OR6F1: variants seen among roughly 807,000 people sequenced by gnomAD.
The protein encoded by OR6F1 is olfactory receptor 6F1.
For synonymous variants in OR6F1, 144 were observed against 150.0 expected (o/e 0.96, Z 0.29); for missense variants, 346 against 376.0 (o/e 0.92, Z 0.66).
chr1:247,716,003 A>T (rs537705546), intron 1 of OR6F1, among the ~76,000 whole-genome samples: 8 of 152,252 alleles, frequency 5.3e-5, no homozygotes, highest in African/African-American at 1.9e-4. Flanking sequence ...CTCTAATCCT[A>T]GCACTTTGGG....
chr1:247,712,360 G>A lies in OR6F1; in HGVS notation c.396C>T (p.Tyr132=), dbSNP rs781296494. The change falls in exon 3 of 3, where the codon TAC becomes TAT. Residue 132 remains tyrosine (Y), a synonymous_variant. Coordinates refer to ENST00000641470, the MANE Select transcript of OR6F1 (RefSeq NM_001005286.2). ...RCLAICYPLH[Y]GAIMSSLLSA... Reference sequence around the variant, plus strand: ...AGAGCAGGCTACTCATGATGGCTCCGTAGTGTAAAGGATAGCAGATGGCAA... The same window carrying A: ...AGAGCAGGCTACTCATGATGGCTCCATAGTGTAAAGGATAGCAGATGGCAA... 1.3e-5 allele frequency: 21 copies of A among 1,614,022 alleles called. No homozygotes were observed. Among genetic ancestry groups the A allele is most frequent in the African/African-American group, 8.0e-5 (6 of 74,944 alleles).
rs751036339 is a variant in OR6F1, at chr1:247,712,058, C to CCTTCTCCTCT, written c.697_698insAGAGGAGAAG (p.Gly233GlufsTer65). The CCTTCTCCTCT allele has an allele frequency of 6.2e-7, 1 of 1,614,132 alleles. No homozygotes were observed. The highest frequency in any genetic ancestry group is 2.2e-5 in the East Asian group (1 of 44,884). ...GCACGTGGAGAAGGCTTTGCTCCGG[C>CCTTCTCCTCT]CACTGGCAGAGGGGATCCTGAGGAT... On this transcript the variant is annotated frameshift_variant, in exon 3 of 3. Coordinates refer to ENST00000641470, the MANE Select transcript of OR6F1 (RefSeq NM_001005286.2). LOFTEE classifies it low-confidence loss of function (END_TRUNC).
At position 247,712,259 on chromosome 1, in the gene OR6F1, A is replaced by T; in HGVS notation, c.497T>A (p.Leu166Gln). Residue 166 changes from leucine to glutamine, a missense_variant, in exon 3 of 3, where the codon CTG (leucine) becomes CAG (glutamine). Coordinates refer to ENST00000641470, the MANE Select transcript of OR6F1 (RefSeq NM_001005286.2). ...GATGGCACGGGGGCCACAGAAGGAC[A>T]GGCCACTGATGAGGGCTGTGGGCAC... ...IAVPTALISG[L>Q]SFCGPRAINH... The T allele has an allele frequency of 1.9e-6, 3 of 1,614,240 alleles. No individual in the cohort carries two copies. The highest frequency in any genetic ancestry group is 2.5e-6 in the Non-Finnish European group (3 of 1,180,028).
intron 2 of OR6F1, 109 bp downstream of exon 2, chr1:247,713,782 A>G (rs1218409937): frequency 5.0e-6 from 2 of 396,562 alleles, no homozygotes; most frequent in Non-Finnish European, 8.9e-6. Context: ...CCAACGCCGA[A>G]TGTTGTTTCC....
chr1:247,716,041 A>G (rs986555611), intron 1 of OR6F1, among the ~76,000 whole-genome samples: 23 of 151,994 alleles, frequency 1.5e-4, no homozygotes, highest in Non-Finnish European at 2.9e-4. Flanking sequence ...TCACTTGAGG[A>G]CAGGAATTTG....
chr1:247,716,172 G>C lies in OR6F1; in HGVS notation c.-127+159C>G, dbSNP rs771405034. ...GGAGCCTGAGGCAGGAGAATCATCT[G>C]AACCCAGGAGGCAGAGGTTGCAGTG... On this transcript the variant is annotated intron_variant, in intron 1 of 2. Coordinates refer to ENST00000641470, the MANE Select transcript of OR6F1 (RefSeq NM_001005286.2). 3.3e-5 allele frequency among the ~76,000 whole-genome samples: 5 copies of C among 152,072 alleles called. 1 individual carries two copies. Among genetic ancestry groups the C allele is most frequent in the Non-Finnish European group, 5.9e-5 (4 of 68,030 alleles).
At chr1:247,712,862 T>G in intron 2 of OR6F1, 45 bp from the exon 3 acceptor site, 1 of 617,688 alleles carries the variant, frequency 1.6e-6, no homozygotes, top group Non-Finnish European at 2.8e-6. Context: ...CTCCAATAAT[T>G]AAATGTAATT....
At position 247,712,060 on chromosome 1, in the gene OR6F1, A is replaced by G; in HGVS notation, c.696T>C (p.Ser232=). Residue 232 remains serine, a synonymous_variant, in exon 3 of 3, where the codon AGT becomes AGC. Coordinates refer to ENST00000641470, the MANE Select transcript of OR6F1 (RefSeq NM_001005286.2). ...ISTILRIPSA[S]GRSKAFSTCS... is the part of the protein sequence containing the mutation. Reference sequence around the variant, plus strand: ...ACGTGGAGAAGGCTTTGCTCCGGCCACTGGCAGAGGGGATCCTGAGGATGG... The same window carrying G: ...ACGTGGAGAAGGCTTTGCTCCGGCCGCTGGCAGAGGGGATCCTGAGGATGG... 6.2e-7 allele frequency: 1 copy of G among 1,614,186 alleles called. No individual in the cohort carries two copies.
intron 1 of OR6F1, among the ~76,000 whole-genome samples, chr1:247,714,351 G>C (rs1046646657): frequency 1.3e-5 from 2 of 152,094 alleles, no homozygotes; most frequent in African/African-American, 4.8e-5. Context: ...ATACTCAACA[G>C]ACCTTGCTTA....
At chr1:247,712,843 A>G (rs1572461376) in intron 2 of OR6F1, 26 bp from the exon 3 acceptor site, 2 of 679,234 alleles carry the variant, frequency 2.9e-6, no homozygotes, top group African/African-American at 1.8e-5. Context: ...GAATGGATTC[A>G]TGAAAGAGCT....
rs1386985009 is a variant in OR6F1, at chr1:247,712,337, A to G, written c.419T>C (p.Leu140Pro). The change falls in exon 3 of 3, where the codon CTC becomes CCC. Residue 140 changes from leucine (L) to proline (P), a missense_variant. By Grantham distance (98) the Leu-to-Pro change is moderately conservative. Transcript: ENST00000641470. Reference sequence around the variant, plus strand: ...GGAGCCCAGGGCCAGCTGCGCTGAGAGCAGGCTACTCATGATGGCTCCGTA... The same window carrying G: ...GGAGCCCAGGGCCAGCTGCGCTGAGGGCAGGCTACTCATGATGGCTCCGTA... ...LHYGAIMSSLLSAQLALGSWV... is the reference protein window; with the variant it reads ...LHYGAIMSSLPSAQLALGSWV... The G allele has an allele frequency of 1.2e-6, 2 of 1,614,038 alleles. No homozygotes were observed. Among genetic ancestry groups the G allele is most frequent in the East Asian group, 4.5e-5 (2 of 44,894 alleles).
chr1:247,712,341 G>A lies in OR6F1; in HGVS notation c.415C>T (p.Leu139=), dbSNP rs1302881869. 6.2e-7 allele frequency: 1 copy of A among 1,614,056 alleles called. No homozygotes were observed. The highest frequency in any genetic ancestry group is 1.3e-5 in the African/African-American group (1 of 74,950). The change falls in exon 3 of 3, where the codon CTG becomes TTG. Residue 139 remains leucine, a synonymous_variant. Transcript: ENST00000641470. Reference sequence around the variant, plus strand: ...CCCAGGGCCAGCTGCGCTGAGAGCAGGCTACTCATGATGGCTCCGTAGTGT... The same window carrying A: ...CCCAGGGCCAGCTGCGCTGAGAGCAAGCTACTCATGATGGCTCCGTAGTGT... ...PLHYGAIMSS[L]LSAQLALGSW...
In OR6F1 at chr1:247,712,458, G is replaced by C. The variant is rs370488866; in HGVS notation, c.298C>G (p.Gln100Glu). The C allele has an allele frequency of 6.2e-7, 1 of 1,614,100 alleles. No individual in the cohort carries two copies. The highest frequency in any genetic ancestry group is 1.3e-5 in the African/African-American group (1 of 75,058). The change falls in exon 3 of 3, where the codon CAG (glutamine) becomes GAG (glutamate). Residue 100 changes from glutamine (Q) to glutamate (E), a missense_variant. Coordinates refer to ENST00000641470, the MANE Select transcript of OR6F1 (RefSeq NM_001005286.2). ...CCTAATGAGAAAACAAAGTACATCTGCAAAAGACAGCTTGTAAATGATATG... is the reference window on the plus strand; with the variant it reads ...CCTAATGAGAAAACAAAGTACATCTCCAAAAGACAGCTTGTAAATGATATG... ...QTISFTSCLL[Q>E]MYFVFSLGCT... is the part of the protein sequence containing the mutation.
chr1:247,715,458 C>T (rs1420777683), intron 1 of OR6F1, among the ~76,000 whole-genome samples: 7 of 152,012 alleles, frequency 4.6e-5, no homozygotes, highest in Non-Finnish European at 7.4e-5. Context: ...TTGTATTTTA[C>T]TTTTACTTAT....
rs187251264 is a variant in OR6F1 at position 247,716,503 on chromosome 1, C to T, written c.-299G>A. On this transcript the variant is annotated 5_prime_UTR_variant, in exon 1 of 3. Transcript: ENST00000641470. Reference sequence around the variant, plus strand: ...ATCTTGCTGTTTAATAGTGTGCTTCCTTCGGTTGACATCCATTACTCCTTT... The same window carrying T: ...ATCTTGCTGTTTAATAGTGTGCTTCTTTCGGTTGACATCCATTACTCCTTT... 6.6e-6 allele frequency: 1 copy of T among 152,028 alleles called. No individual in the cohort carries two copies. The highest frequency in any genetic ancestry group is 1.9e-4 in the East Asian group (1 of 5,174). The allele number at this position is 152,028 out of a possible 1,614,324, so 9.4% of individuals were successfully genotyped here. A position where few individuals can be genotyped will look rare whatever the true frequency, so the allele number is the denominator to read the frequency against.
chr1:247,715,880 G>A (rs1285920498), intron 1 of OR6F1, among the ~76,000 whole-genome samples: 4 of 152,004 alleles, frequency 2.6e-5, no homozygotes, highest in Non-Finnish European at 2.9e-5. Context: ...CATTAAAATT[G>A]TTTCTTACTC....
At position 247,712,331 on chromosome 1, in the gene OR6F1, G is replaced by C; in HGVS notation, c.425C>G (p.Ala142Gly). 3 of 1,614,120 alleles carry C rather than the reference G, an allele frequency of 1.9e-6. No individual in the cohort carries two copies. Among genetic ancestry groups the C allele is most frequent in the Non-Finnish European group, 2.5e-6 (3 of 1,179,944 alleles). The change falls in exon 3 of 3, where the codon GCG becomes GGG. Residue 142 changes from alanine to glycine, a missense_variant. Coordinates refer to ENST00000641470, the MANE Select transcript of OR6F1 (RefSeq NM_001005286.2). ...CACCCAGGAGCCCAGGGCCAGCTGCGCTGAGAGCAGGCTACTCATGATGGC... is the reference window on the plus strand; with the variant it reads ...CACCCAGGAGCCCAGGGCCAGCTGCCCTGAGAGCAGGCTACTCATGATGGC... ...YGAIMSSLLSAQLALGSWVCG... is the reference protein window; with the variant it reads ...YGAIMSSLLSGQLALGSWVCG...
intron 1 of OR6F1, 128 bp from the exon 2 acceptor site, chr1:247,714,082 C>T (rs1226581105): frequency 1.0e-5 from 4 of 396,952 alleles, no homozygotes; most frequent in Non-Finnish European, 1.8e-5. Flanking sequence ...GATCTAGCAT[C>T]TTTCTCATTT....
chr1:247,712,952 CAGTG>C, intron 2 of OR6F1, 135 bp from the exon 3 acceptor site: 1 of 499,050 alleles, frequency 2.0e-6, no homozygotes. Context: ...TTTAATGAAA[CAGTG>C]AGATATGTAT....
Sources: allele counts gnomAD v4.1 joint callset (sites outside exome capture counted in the v4.1 genomes callset), GRCh38; gene constraint gnomAD v4.1.1; transcripts MANE v1.5; gene names NCBI Gene and HGNC (gene_info 2026-07-23, HGNC 2026-07-21).